The following GLRA2 variants were observed in gnomAD, a reference collection of about 807,000 sequenced individuals.
The protein encoded by GLRA2 is glycine receptor subunit alpha-2.
Under a neutral mutation model 31.6 loss-of-function variants are expected in GLRA2, and 11 were observed. The ratio of observed to expected loss-of-function variants is 0.35; its 90% confidence interval spans 0.22 to 0.58. The LOEUF is 0.58. GLRA2 is among the 20% of genes least tolerant of loss of function. The pLI is 0.84. For synonymous variants in GLRA2, 132 were observed against 134.0 expected (o/e 0.99, Z 0.10); for missense variants, 212 against 351.8 (o/e 0.60, Z 3.18).
At chrX:14,497,790 C>T in the GLRA2 span, among the ~76,000 whole-genome samples, 1 of 110,025 alleles carries the variant, frequency 9.1e-6, no homozygotes, top group African/African-American at 3.3e-5. Flanking sequence ...GCCCCACCCC[C>T]TCCCATCTAT....
the GLRA2 span, among the ~76,000 whole-genome samples, chrX:14,490,744 C>T: frequency 8.9e-6 from 1 of 111,817 alleles, no homozygotes; most frequent in Admixed American, 9.5e-5. Flanking sequence ...TAAGAAAACA[C>T]ACCTTGATAA....
At chrX:14,726,447 C>T (rs1267445246) in intron 8 of GLRA2, among the ~76,000 whole-genome samples, 4 of 112,267 alleles carry the variant, frequency 3.6e-5, no homozygotes, top group Non-Finnish European at 1.9e-5. Context: ...AATTTTTACT[C>T]ACAACAGGTT....
intron 8 of GLRA2, among the ~76,000 whole-genome samples, chrX:14,717,936 G>A (rs894957531): frequency 1.8e-5 from 2 of 111,210 alleles, no homozygotes; most frequent in Non-Finnish European, 3.8e-5. Context: ...GAGATAGGCT[G>A]ATGAGTAAAT....
intron 7 of GLRA2, among the ~76,000 whole-genome samples, chrX:14,679,998 T>C (rs759770945): frequency 1.2e-4 from 13 of 112,267 alleles, no homozygotes; most frequent in Middle Eastern, 9.2e-3. Context: ...AAGAGCCATA[T>C]GGTATTTTAG....
the GLRA2 span, among the ~76,000 whole-genome samples, chrX:14,461,389 C>T: frequency 9.0e-6 from 1 of 111,276 alleles, no homozygotes; most frequent in African/African-American, 3.3e-5. Context: ...GCTGAGTTCA[C>T]GTCCTGGATA....
intron 8 of GLRA2, among the ~76,000 whole-genome samples, chrX:14,709,740 T>C (rs2091686084): frequency 8.9e-6 from 1 of 111,805 alleles, no homozygotes; most frequent in Admixed American, 9.5e-5. Context: ...AGTCCAATGC[T>C]CTACCTCTGA....
intron 4 of GLRA2, among the ~76,000 whole-genome samples, chrX:14,593,812 C>G (rs973072651): frequency 8.9e-6 from 1 of 112,958 alleles, no homozygotes. Flanking sequence ...TTGTACCATT[C>G]AGGCTCCACT....
intron 8 of GLRA2, among the ~76,000 whole-genome samples, chrX:14,699,106 C>A (rs1001781227): frequency 3.6e-5 from 4 of 112,198 alleles, no homozygotes; most frequent in Non-Finnish European, 7.5e-5. Context: ...AACTGGCCAA[C>A]CCCAGTCTAT....
the GLRA2 span, among the ~76,000 whole-genome samples, chrX:14,494,770 A>G: frequency 8.9e-6 from 1 of 111,836 alleles, no homozygotes; most frequent in Non-Finnish European, 1.9e-5. Flanking sequence ...GGACTCTGGG[A>G]ATCACCTGAC....
chrX:14,604,777 T>C (rs2090316954), intron 5 of GLRA2, among the ~76,000 whole-genome samples: 1 of 110,577 alleles, frequency 9.0e-6, no homozygotes, highest in East Asian at 2.8e-4. Flanking sequence ...CACTCTTTAA[T>C]CAGAAAATTG....
chrX:14,553,026 A>C (rs2089587370), intron 2 of GLRA2, among the ~76,000 whole-genome samples: 1 of 111,970 alleles, frequency 8.9e-6, no homozygotes, highest in African/African-American at 3.2e-5. Context: ...CTCAATTTCA[A>C]GTGTGAACTC....
At chrX:14,600,809 G>A (rs770398231) in intron 4 of GLRA2, among the ~76,000 whole-genome samples, 59 of 110,981 alleles carry the variant, frequency 5.3e-4, no homozygotes, top group African/African-American at 1.8e-3. Context: ...GTCTAATTGA[G>A]GCTTTGTTTC....
intron 7 of GLRA2, among the ~76,000 whole-genome samples, chrX:14,678,285 A>T (rs2091165271): frequency 8.9e-6 from 1 of 112,710 alleles, no homozygotes. Flanking sequence ...ATAGGCAGCC[A>T]CAGTAATTCC....
chrX:14,668,223 C>A (rs1406553536), intron 7 of GLRA2, among the ~76,000 whole-genome samples: 1 of 112,215 alleles, frequency 8.9e-6, no homozygotes, highest in African/African-American at 3.2e-5. Flanking sequence ...TGAGAAGAGC[C>A]AGCAAGAGAG....
At chrX:14,666,282 T>C (rs979335661) in intron 7 of GLRA2, among the ~76,000 whole-genome samples, 2 of 112,220 alleles carry the variant, frequency 1.8e-5, no homozygotes, top group Non-Finnish European at 1.9e-5. Context: ...GACTATACAG[T>C]TGATATACAG....
chrX:14,548,562 C>G (rs2089512268), intron 2 of GLRA2, among the ~76,000 whole-genome samples: 1 of 111,643 alleles, frequency 9.0e-6, no homozygotes, highest in Non-Finnish European at 1.9e-5. Flanking sequence ...TAACCTGCAA[C>G]TTTACTATCC....
At chrX:14,660,137 G>C in intron 7 of GLRA2, among the ~76,000 whole-genome samples, 1 of 111,830 alleles carries the variant, frequency 8.9e-6, no homozygotes, top group Admixed American at 9.5e-5. Context: ...AGTGCTGTTG[G>C]GGGGCAGGAA....
At chrX:14,650,319 A>G (rs1373324712) in intron 7 of GLRA2, among the ~76,000 whole-genome samples, 1 of 110,811 alleles carries the variant, frequency 9.0e-6, no homozygotes, top group East Asian at 2.8e-4. Context: ...AGCAGACATA[A>G]GAAAACGATC....
At chrX:14,557,098 A>ATTTTT (rs2089652615) in intron 2 of GLRA2, among the ~76,000 whole-genome samples, 1 of 68,128 alleles carries the variant, frequency 1.5e-5, no homozygotes, top group African/African-American at 5.8e-5. Context: ...CACCTAAAGT[A>ATTTTT]TTTCTTTTTT....
Sources: gnomAD v4.1 joint callset for allele counts (sites outside exome capture counted in the v4.1 genomes callset) on GRCh38, gnomAD v4.1.1 for gene constraint, MANE v1.5 for transcripts, NCBI Gene and HGNC (gene_info 2026-07-23, HGNC 2026-07-21) for gene names.